GLMN: variants seen among roughly 807,000 people sequenced by gnomAD.
GLMN encodes the protein glomulin.
GLMN carries 75 observed loss-of-function variants against 87.8 expected under a neutral mutation model. The observed-to-expected ratio is 0.85, with a 90% confidence interval of 0.71 to 1.04. GLMN has a LOEUF of 1.04. Ranked by LOEUF, GLMN falls within the 50% of genes least tolerant of loss-of-function variation. The pLI, the probability that GLMN is intolerant of heterozygous loss-of-function variation, is 0.00. For synonymous variants in GLMN, 206 were observed against 221.6 expected, an observed-to-expected ratio of 0.93 and a Z score of 0.63; for missense variants, 588 against 658.8, an observed-to-expected ratio of 0.89 and a Z score of 1.18.
At chr1:92,354,138 A>G in the GLMN span, among the ~76,000 whole-genome samples, 1 of 152,066 alleles carries the variant, frequency 6.6e-6, no homozygotes, top group Admixed American at 6.6e-5. Flanking sequence ...CACAGCCTTG[A>G]TTTTAGGAGC....
At chr1:92,260,705 C>A (rs1318087307) in intron 16 of GLMN, among the ~76,000 whole-genome samples, 2 of 144,546 alleles carry the variant, frequency 1.4e-5, no homozygotes, top group African/African-American at 5.1e-5. Flanking sequence ...CAGCAGTGAG[C>A]CATGACTGCC....
At chr1:92,336,747 A>G in the GLMN span, among the ~76,000 whole-genome samples, 1 of 152,246 alleles carries the variant, frequency 6.6e-6, no homozygotes, top group South Asian at 2.1e-4. Context: ...ATATTGGCTG[A>G]CCCACACTGC....
At chr1:92,253,107 A>G in intron 16 of GLMN, among the ~76,000 whole-genome samples, 1 of 152,196 alleles carries the variant, frequency 6.6e-6, no homozygotes, top group Non-Finnish European at 1.5e-5. Context: ...TATTTCATGG[A>G]TATGTTTTAT....
chr1:92,302,901 G>A (rs1387981169), upstream of GLMN, among the ~76,000 whole-genome samples: 1 of 150,618 alleles, frequency 6.6e-6, no homozygotes, highest in African/African-American at 2.4e-5. Flanking sequence ...CTCTCGGCCC[G>A]CATTAATTTT....
In GLMN at chr1:92,279,698, T is replaced by C. The variant is rs377204919; in HGVS notation, c.735+6792A>G. ...GAGGGGTCAGCGAATTTCCCCTTCC[T>C]AGCCAAGGGAAGCCGTGACAGACTG... On this transcript the variant is annotated intron_variant, in intron 7 of 18. Coordinates refer to ENST00000370360, the MANE Select transcript of GLMN (RefSeq NM_053274.3). Among the ~76,000 whole-genome samples, 7 of 152,240 alleles carry C rather than the reference T, an allele frequency of 4.6e-5. No homozygotes were observed. The East Asian group carries it at 1.2e-3, about 25-fold the overall frequency.
At chr1:92,358,695 C>T in the GLMN span, among the ~76,000 whole-genome samples, 11 of 152,002 alleles carry the variant, frequency 7.2e-5, no homozygotes, top group South Asian at 2.1e-4. Context: ...TCAAGTGATC[C>T]TCCTTCCTCA....
At chr1:92,304,465 T>G in the GLMN span, 6 of 530,034 alleles carry the variant, frequency 1.1e-5, no homozygotes, top group African/African-American at 2.0e-5. Flanking sequence ...AAAGAAACTT[T>G]AAAATCTTAC....
the GLMN span, chr1:92,304,087 A>C: frequency 1.9e-6 from 3 of 1,553,626 alleles, no homozygotes; most frequent in Non-Finnish European, 2.6e-6. Flanking sequence ...TAAGTAACTC[A>C]TTTTTTTTAA....
chr1:92,364,497 A>T, the GLMN span, among the ~76,000 whole-genome samples: 8 of 151,432 alleles, frequency 5.3e-5, no homozygotes, highest in African/African-American at 1.2e-4. Flanking sequence ...CGTAGACCAA[A>T]TTTTTTTTTA....
chr1:92,314,671 A>T, the GLMN span, among the ~76,000 whole-genome samples: 14 of 151,946 alleles, frequency 9.2e-5, no homozygotes, highest in Non-Finnish European at 2.1e-4. Context: ...TGAACCCAGG[A>T]GGCAGAGGTT....
intron 16 of GLMN, among the ~76,000 whole-genome samples, chr1:92,249,013 C>T (rs1174044179): frequency 6.6e-6 from 1 of 151,824 alleles, no homozygotes; most frequent in Non-Finnish European, 1.5e-5. Flanking sequence ...TTTAGTGAAA[C>T]ATTAGAATTA....
At chr1:92,269,584 A>C (rs1656018042) in intron 9 of GLMN, 139 bp downstream of exon 9, 2 of 665,696 alleles carry the variant, frequency 3.0e-6, no homozygotes, top group Admixed American at 2.3e-5. Context: ...CTCTCTCGTG[A>C]ATTATTTGCC....
chr1:92,268,172 A>T, intron 9 of GLMN, 37 bp from the exon 10 acceptor site: 1 of 1,124,626 alleles, frequency 8.9e-7, no homozygotes, highest in Middle Eastern at 2.7e-4. Context: ...TGAATTTGTA[A>T]ACTATTTTAG....
chr1:92,278,847 T>C (rs918693066), intron 7 of GLMN, among the ~76,000 whole-genome samples: 1 of 152,212 alleles, frequency 6.6e-6, no homozygotes, highest in African/African-American at 2.4e-5. Context: ...CTCTGAAATC[T>C]CAAGTATTTC....
the GLMN span, chr1:92,304,039 CTG>C: frequency 9.3e-6 from 15 of 1,612,906 alleles, no homozygotes; most frequent in African/African-American, 2.0e-4. Flanking sequence ...TTGTCAAACT[CTG>C]TGGTTATCCT....
At chr1:92,302,947 C>G (rs911565776), upstream of GLMN, among the ~76,000 whole-genome samples, 3 of 151,650 alleles carry the variant, frequency 2.0e-5, no homozygotes, top group African/African-American at 7.3e-5. Context: ...ACCTGTAATC[C>G]CAGCACTTTG....
At chr1:92,297,032 ATTTT>A (rs1428180065) in intron 3 of GLMN, among the ~76,000 whole-genome samples, 1 of 149,586 alleles carries the variant, frequency 6.7e-6, no homozygotes, top group Admixed American at 6.7e-5. Context: ...GCAATTATTT[ATTTT>A]GCCTCATTAT....
chr1:92,335,089 G>A, the GLMN span, among the ~76,000 whole-genome samples: 1 of 152,160 alleles, frequency 6.6e-6, no homozygotes, highest in Non-Finnish European at 1.5e-5. Context: ...AGTCTGCAGT[G>A]AGCTATGATT....
the GLMN span, among the ~76,000 whole-genome samples, chr1:92,327,528 C>T: frequency 1.3e-5 from 2 of 152,198 alleles, no homozygotes; most frequent in African/African-American, 4.8e-5. Context: ...CCACCCTTTA[C>T]CTTAAGTTTA....
Sources: gnomAD v4.1 joint callset for allele counts (sites outside exome capture counted in the v4.1 genomes callset) on GRCh38, gnomAD v4.1.1 for gene constraint, MANE v1.5 for transcripts, NCBI Gene and HGNC (gene_info 2026-07-23, HGNC 2026-07-21) for gene names.